Variants in TRIM37 observed in about 807,000 individuals in gnomAD.
TRIM37 encodes the protein E3 ubiquitin-protein ligase TRIM37.
TRIM37 carries 80 observed loss-of-function variants against 129.8 expected under a neutral mutation model. The ratio of observed to expected loss-of-function variants is 0.62; its 90% CI spans 0.51 to 0.74. TRIM37 has a LOEUF of 0.74. TRIM37 is among the 30% of genes least tolerant of loss of function. The pLI, the probability that TRIM37 is intolerant of heterozygous loss-of-function variation, is 0.00. For synonymous variants in TRIM37, 389 were observed against 387.1 expected (o/e 1.00, Z -0.06); for missense variants, 1,054 against 1,176.5 (o/e 0.90, Z 1.52).
intron 14 of TRIM37, 63 bp from the exon 15 acceptor site, chr17:59,049,456 A>C: frequency 2.1e-5 from 29 of 1,394,190 alleles, no homozygotes; most frequent in Non-Finnish European, 2.7e-5. Flanking sequence ...AAGATGTCTC[A>C]AGTGAAAAAA....
At chr17:59,079,903 T>C in intron 6 of TRIM37, 26 bp from the exon 7 acceptor site, 1 of 1,611,050 alleles carries the variant, frequency 6.2e-7, no homozygotes, top group Non-Finnish European at 8.5e-7. Context: ...GTAAGAATAA[T>C]TTTAATTGGG....
chr17:59,106,859 G>A lies in TRIM37; in HGVS notation c.-398C>T, dbSNP rs996017968. 5.9e-6 allele frequency: 2 copies of A among 336,666 alleles called. No homozygotes were observed. Among genetic ancestry groups the A allele is most frequent in the Non-Finnish European group, 1.1e-5 (2 of 182,102 alleles). The allele number at this position is 336,666 out of a possible 1,614,324, so 20.9% of individuals were successfully genotyped here. ...CCAACCGTAACCAGAGCAGCTGGGG[G>A]CGCGGCGGCGAGAGAAGCTGCGAAG... is the stretch of plus-strand genomic sequence containing the variant. On this transcript the variant is annotated 5_prime_UTR_variant, in exon 1 of 24. Coordinates refer to ENST00000262294, the MANE Select transcript of TRIM37 (RefSeq NM_015294.6).
chr17:58,983,237 C>G, intron 24 of TRIM37: 1 of 245,796 alleles, frequency 4.1e-6, no homozygotes, highest in South Asian at 1.2e-4. Flanking sequence ...CAAAGTAGTT[C>G]TAGTGTGGTC....
At chr17:59,094,570 G>A (rs1004613377) in intron 2 of TRIM37, among the ~76,000 whole-genome samples, 4 of 151,894 alleles carry the variant, frequency 2.6e-5, no homozygotes, top group African/African-American at 9.7e-5. Context: ...CTAAGGGTTA[G>A]AGAGAAGCTG....
downstream of TRIM37, among the ~76,000 whole-genome samples, chr17:58,978,053 G>T (rs965303967): frequency 6.6e-6 from 1 of 152,172 alleles, no homozygotes; most frequent in African/African-American, 2.4e-5. Context: ...GTGTCAAAGA[G>T]AACCTATAAC....
the TRIM37 span, chr17:58,972,999 G>GA: frequency 1.2e-5 from 12 of 981,228 alleles, no homozygotes; most frequent in Non-Finnish European, 1.9e-5. Context: ...TCTGATACAG[G>GA]GAACCTGAGA....
chr17:59,056,716 CAAAAAAAAAAAAAAAAAA>C lies in TRIM37; in HGVS notation c.1199+141_1199+158del, dbSNP rs869221576. Reference sequence around the variant, plus strand: ...GGGCGACAGAGCGAGACTATGTCTCCAAAAAAAAAAAAAAAAAAAAAAAAAAAAAAAGGTGATAAGGTT... The same window carrying C: ...GGGCGACAGAGCGAGACTATGTCTCCAAAAAAAAAAAAAGGTGATAAGGTT... On this transcript the variant is annotated intron_variant, in intron 13 of 23. Coordinates refer to ENST00000262294, the MANE Select transcript of TRIM37 (RefSeq NM_015294.6). Among the ~76,000 whole-genome samples the C allele has an allele frequency of 2.5e-3, 95 of 38,054 alleles. 3 individuals are homozygous for C. Among genetic ancestry groups the C allele is most frequent in the Non-Finnish European group, 3.4e-3 (67 of 19,824 alleles). The allele number at this position is 38,054 out of a possible 152,430, so 25.0% of individuals were successfully genotyped here.
chr17:58,997,662 A>G (rs571024146), downstream of TRIM37, among the ~76,000 whole-genome samples: 25 of 152,332 alleles, frequency 1.6e-4, no homozygotes, highest in South Asian at 4.8e-3. Context: ...GAGATAAAAT[A>G]CTAAATACAG....
chr17:59,013,048 T>C (rs1598887140), intron 21 of TRIM37, among the ~76,000 whole-genome samples: 1 of 152,286 alleles, frequency 6.6e-6, no homozygotes, highest in South Asian at 2.1e-4. Flanking sequence ...TACAACTGAA[T>C]GTGAACCTAT....
chr17:59,004,917 G>T (rs866317986), intron 22 of TRIM37, among the ~76,000 whole-genome samples: 1 of 151,954 alleles, frequency 6.6e-6, no homozygotes, highest in Admixed American at 6.6e-5. Context: ...TCCATCTTCA[G>T]CAAAACAAAA....
intron 11 of TRIM37, among the ~76,000 whole-genome samples, chr17:59,062,135 A>G (rs547983741): frequency 7.9e-5 from 12 of 152,330 alleles, no homozygotes; most frequent in African/African-American, 2.9e-4. Flanking sequence ...TACTGGACTC[A>G]AAAAGATTAT....
chr17:59,013,016 A>AG (rs1365846751), intron 21 of TRIM37, among the ~76,000 whole-genome samples: 9 of 152,320 alleles, frequency 5.9e-5, no homozygotes, highest in African/African-American at 2.2e-4. Context: ...AAAAATACAC[A>AG]GGATCTCTCT....
downstream of TRIM37, chr17:58,980,278 G>A (rs541132971): frequency 2.5e-6 from 4 of 1,614,194 alleles, no homozygotes; most frequent in Non-Finnish European, 3.4e-6. The surrounding 1 kb of genome is among the most constrained non-coding windows in gnomAD (Gnocchi z 4.7). Context: ...ATTGGACAGA[G>A]AACTCTTTTC....
chr17:59,014,809 A>G (rs1804314659), intron 21 of TRIM37, among the ~76,000 whole-genome samples: 1 of 151,600 alleles, frequency 6.6e-6, no homozygotes, highest in Admixed American at 6.6e-5. Flanking sequence ...TGTGAAAATG[A>G]GCTCTAACAT....
intron 2 of TRIM37, among the ~76,000 whole-genome samples, chr17:59,102,252 T>A (rs1305299825): frequency 2.6e-5 from 4 of 151,842 alleles, no homozygotes; most frequent in African/African-American, 7.3e-5. Flanking sequence ...CTTAGGAAAT[T>A]AAGAAATAAA....
chr17:59,049,275 G>C lies in TRIM37; in HGVS notation c.1433C>G (p.Ser478Cys). 6.2e-7 allele frequency: 1 copy of C among 1,614,108 alleles called. No individual in the cohort carries two copies. The highest frequency in any genetic ancestry group is 8.5e-7 in the Non-Finnish European group (1 of 1,180,010). ...AGGACCACCTTCGAGAAGCATGTCA[G>C]AGCATGCAGACTTCTTAGCTCGTGT... ...LETRAKKSACSDMLLEGGPTT... is the reference protein window; with the variant it reads ...LETRAKKSACCDMLLEGGPTT... The change falls in exon 15 of 24, where the codon TCT (serine) becomes TGT (cysteine). Residue 478 changes from serine to cysteine, a missense_variant. Ser to Cys is a moderately radical substitution (Grantham distance 112). This residue lies in a region of TRIM37 where 752 missense variants were observed against 870.8 expected (regional missense o/e 0.86). Coordinates refer to ENST00000262294, the MANE Select transcript of TRIM37 (RefSeq NM_015294.6).
chr17:59,001,411 A>G (rs1402355659), intron 23 of TRIM37, among the ~76,000 whole-genome samples, 187 bp downstream of exon 23: 2 of 151,626 alleles, frequency 1.3e-5, no homozygotes, highest in Non-Finnish European at 2.9e-5. Context: ...AGTACTCACC[A>G]TAATAGTTAA....
At chr17:59,090,738 G>T (rs1006952837) in intron 3 of TRIM37, among the ~76,000 whole-genome samples, 3 of 152,038 alleles carry the variant, frequency 2.0e-5, no homozygotes, top group African/African-American at 7.3e-5. Flanking sequence ...CAATTCTCAT[G>T]CTTCAGCCTC....
chr17:59,072,094 A>G (rs1442643655), intron 8 of TRIM37, among the ~76,000 whole-genome samples: 2 of 152,168 alleles, frequency 1.3e-5, no homozygotes, highest in Non-Finnish European at 2.9e-5. Context: ...GCCTTAATCT[A>G]ACATGACTGG....
Sources: gnomAD v4.1 joint callset for allele counts (sites outside exome capture counted in the v4.1 genomes callset) on GRCh38, gnomAD v4.1.1 for gene constraint, gnomAD v4.1.1 regional missense constraint, Gnocchi (gnomAD v3.1) non-coding constraint, MANE v1.5 for transcripts, NCBI Gene and HGNC (gene_info 2026-07-23, HGNC 2026-07-21) for gene names.